Variants in TYW1B observed in about 807,000 individuals in gnomAD.
TYW1B encodes the protein S-adenosyl-L-methionine-dependent tRNA 4-demethylwyosine synthase TYW1B.
Under a neutral mutation model 86.9 loss-of-function variants are expected in TYW1B, and 73 were observed. The ratio of observed to expected loss-of-function variants is 0.84; its 90% CI spans 0.70 to 1.02. The LOEUF (loss-of-function observed/expected upper bound fraction) is 1.02. Among genes scored for constraint, TYW1B ranks in the 50% least tolerant of loss-of-function variants. The probability of loss-of-function intolerance (pLI) is 0.00; values close to 1 mark genes in which losing one functional copy is unlikely to be tolerated. For synonymous variants in TYW1B, 248 were observed against 292.8 expected (o/e 0.85, Z 1.56); for missense variants, 637 against 827.4 (o/e 0.77, Z 2.82).
intron 11 of TYW1B, among the ~76,000 whole-genome samples, chr7:72,645,684 A>C (rs575645037): frequency 6.6e-6 from 1 of 152,284 alleles, no homozygotes; most frequent in African/African-American, 2.4e-5. Context: ...AAAGAATTTA[A>C]ATTGTTAGGA....
chr7:72,756,262 C>T lies in TYW1B; in HGVS notation c.965-11661G>A, dbSNP rs550814725. 1.3e-4 allele frequency among the ~76,000 whole-genome samples: 11 copies of T among 86,726 alleles called. No homozygotes were observed. In the South Asian group the frequency reaches 4.0e-3, roughly 31 times the overall value. The allele number at this position is 86,726 out of a possible 152,430, so 56.9% of individuals were successfully genotyped here. On this transcript the variant is annotated intron_variant, in intron 7 of 13. Coordinates refer to ENST00000620995, the MANE Select transcript of TYW1B (RefSeq NM_001145440.3). Reference sequence around the variant, plus strand: ...TTTTATTTTATTTTTTGAGAAGGAGCCTGGCTCTGTCGCCCAGTCTGGAAT... The same window carrying T: ...TTTTATTTTATTTTTTGAGAAGGAGTCTGGCTCTGTCGCCCAGTCTGGAAT...
At position 72,575,005 on chromosome 7, in the gene TYW1B, G is replaced by A. The variant is rs1385617514; in HGVS notation, c.*493C>T. On this transcript the variant is annotated 3_prime_UTR_variant, in exon 14 of 14. Coordinates refer to ENST00000620995, the MANE Select transcript of TYW1B (RefSeq NM_001145440.3). ...TGACAACTTCGATTCTTTTCAGGAG[G>A]TGCTGTCTTAAGACAGAAGAAAGGG... is the stretch of plus-strand genomic sequence containing the variant. 8 of 988,472 alleles carry A rather than the reference G, an allele frequency of 8.1e-6. No homozygotes were observed. Among genetic ancestry groups the A allele is most frequent in the Non-Finnish European group, 9.6e-6 (8 of 831,872 alleles). The allele number at this position is 988,472 out of a possible 1,614,324, so 61.2% of individuals were successfully genotyped here.
At chr7:72,632,403 A>AT (rs1563038789) in intron 11 of TYW1B, among the ~76,000 whole-genome samples, 7 of 106,318 alleles carry the variant, frequency 6.6e-5, no homozygotes, top group African/African-American at 2.3e-4. Context: ...TATATATAAT[A>AT]TATATATACA....
intron 7 of TYW1B, among the ~76,000 whole-genome samples, chr7:72,748,763 T>G (rs569067467): frequency 6.6e-6 from 1 of 151,988 alleles, no homozygotes; most frequent in South Asian, 2.1e-4. Context: ...GAACCTGCCT[T>G]GCATACCTGG....
chr7:72,742,494 C>G (rs1787322754), intron 8 of TYW1B, among the ~76,000 whole-genome samples: 1 of 152,070 alleles, frequency 6.6e-6, no homozygotes. Flanking sequence ...ATGTATAAAA[C>G]AGCAATTATA....
intron 13 of TYW1B, among the ~76,000 whole-genome samples, chr7:72,586,212 T>A (rs1234506155): frequency 6.6e-6 from 1 of 152,176 alleles, no homozygotes; most frequent in Non-Finnish European, 1.5e-5. Flanking sequence ...AGAGGGGTTA[T>A]AGACAGAGCT....
intron 13 of TYW1B, among the ~76,000 whole-genome samples, chr7:72,612,163 G>A (rs1349739255): frequency 6.6e-6 from 1 of 151,864 alleles, no homozygotes; most frequent in African/African-American, 2.4e-5. Context: ...AATACTATTA[G>A]TATCAATTTT....
chr7:72,667,402 T>C (rs1813491034), intron 11 of TYW1B, among the ~76,000 whole-genome samples: 1 of 152,092 alleles, frequency 6.6e-6, no homozygotes, highest in Non-Finnish European at 1.5e-5. Context: ...TGCTGTGCTG[T>C]AGGAAGTTTG....
chr7:72,586,614 G>A (rs1404279178), intron 13 of TYW1B, among the ~76,000 whole-genome samples: 11 of 152,138 alleles, frequency 7.2e-5, no homozygotes, highest in South Asian at 2.1e-4. Context: ...GTGCATGCCC[G>A]TAATCCCAGC....
At chr7:72,596,546 G>A (rs1266721354) in intron 13 of TYW1B, among the ~76,000 whole-genome samples, 9 of 152,114 alleles carry the variant, frequency 5.9e-5, no homozygotes, top group African/African-American at 1.2e-4. Context: ...AAAGGGCAGC[G>A]TCCTTAACAA....
At chr7:72,645,552 G>C (rs1554441936) in intron 11 of TYW1B, among the ~76,000 whole-genome samples, 2 of 152,170 alleles carry the variant, frequency 1.3e-5, no homozygotes, top group African/African-American at 4.8e-5. Context: ...TCCCTCAATA[G>C]TGGAAGGAAT....
chr7:72,602,809 T>A lies in TYW1B; in HGVS notation c.1785+13863A>T, dbSNP rs557727841. Among the ~76,000 whole-genome samples, 5 of 147,766 alleles carry A rather than the reference T, an allele frequency of 3.4e-5. No homozygotes were observed. The East Asian group carries it at 1.1e-3, about 31-fold the overall frequency. ...TGTGAGATAATCCTGGAGAATCTTG[T>A]AGTGCCAGAAAGAAAGTGCTCAAAA... On this transcript the variant is annotated intron_variant, in intron 13 of 13. Transcript: ENST00000620995.
At chr7:72,624,123 T>C (rs191395621) in intron 12 of TYW1B, among the ~76,000 whole-genome samples, 22 of 152,270 alleles carry the variant, frequency 1.4e-4, no homozygotes, top group Non-Finnish European at 2.2e-4. Context: ...AACTCCTCTA[T>C]TTGAGAAATT....
chr7:72,603,322 TGATGGATGGATGGATG>T (rs34898249), intron 13 of TYW1B, among the ~76,000 whole-genome samples: 23 of 137,804 alleles, frequency 1.7e-4, no homozygotes, highest in Non-Finnish European at 2.4e-4. Context: ...GACAGATAGA[TGATGGATGGATGGATG>T]GATGGATGGA....
chr7:72,605,114 A>G (rs1374170587), intron 13 of TYW1B, among the ~76,000 whole-genome samples: 1 of 152,230 alleles, frequency 6.6e-6, no homozygotes, highest in African/African-American at 2.4e-5. Context: ...TTTCACTACA[A>G]TTAAGAAATG....
intron 7 of TYW1B, among the ~76,000 whole-genome samples, chr7:72,750,228 A>G (rs572945394): frequency 6.6e-6 from 1 of 152,222 alleles, no homozygotes; most frequent in Admixed American, 6.5e-5. Context: ...AACTTTCTTT[A>G]GCCAATATTT....
intron 11 of TYW1B, among the ~76,000 whole-genome samples, chr7:72,684,755 T>C (rs1813965536): frequency 1.7e-5 from 1 of 57,490 alleles, no homozygotes; most frequent in Non-Finnish European, 5.2e-5. Context: ...CATGCCTATG[T>C]ATAAGTAAAA....
intron 11 of TYW1B, among the ~76,000 whole-genome samples, chr7:72,678,071 C>T (rs1813776747): frequency 6.6e-6 from 1 of 152,112 alleles, no homozygotes; most frequent in Non-Finnish European, 1.5e-5. Flanking sequence ...TTCTGGGAAC[C>T]TGAATACTAG....
At chr7:72,789,380 C>G (rs34299419) in intron 6 of TYW1B, among the ~76,000 whole-genome samples, 12,443 of 152,154 alleles carry the variant, frequency 0.082, 901 homozygotes, top group East Asian at 0.33. Context: ...AGGTGATCTG[C>G]CCGCCTCGGC....
Sources: allele counts gnomAD v4.1 joint callset (sites outside exome capture counted in the v4.1 genomes callset), GRCh38; gene constraint gnomAD v4.1.1; transcripts MANE v1.5; gene names NCBI Gene and HGNC (gene_info 2026-07-23, HGNC 2026-07-21).